The following SNX29 variants were observed in gnomAD, a reference collection of about 807,000 sequenced individuals.
SNX29 encodes the protein sorting nexin-29.
A neutral mutation model predicts 102.1 loss-of-function variants in SNX29; 78 were observed. The ratio of observed to expected loss-of-function variants is 0.76; its 90% CI spans 0.64 to 0.92. The LOEUF (loss-of-function observed/expected upper bound fraction) is 0.92. Among genes scored for constraint, SNX29 ranks in the 40% least tolerant of loss-of-function variants. The probability of loss-of-function intolerance (pLI) is 0.00; values close to 1 mark genes in which losing one functional copy is unlikely to be tolerated. For synonymous variants in SNX29, 580 were observed against 414.5 expected (o/e 1.40, Z -4.85); for missense variants, 1,280 against 1,061.7 (o/e 1.21, Z -2.86).
chr16:12,510,445 G>A (rs1293496916), intron 19 of SNX29, among the ~76,000 whole-genome samples: 4 of 152,084 alleles, frequency 2.6e-5, no homozygotes, highest in Non-Finnish European at 5.9e-5. Context: ...AGGCTGAGGC[G>A]GGTGGATCAC....
chr16:12,541,468 G>A (rs1411388858), intron 20 of SNX29, among the ~76,000 whole-genome samples: 1 of 152,158 alleles, frequency 6.6e-6, no homozygotes, highest in African/African-American at 2.4e-5. Context: ...GTGCTTGATG[G>A]AGCCAGGATC....
chr16:12,209,687 C>T (rs1473590161), intron 14 of SNX29, among the ~76,000 whole-genome samples: 2 of 152,204 alleles, frequency 1.3e-5, no homozygotes, highest in African/African-American at 2.4e-5. Flanking sequence ...ACTTAGGAGA[C>T]GTGAGACCAG....
At chr16:12,265,380 C>T (rs1401431290) in intron 14 of SNX29, among the ~76,000 whole-genome samples, 2 of 152,118 alleles carry the variant, frequency 1.3e-5, no homozygotes, top group Non-Finnish European at 2.9e-5. Flanking sequence ...TGATTTTATG[C>T]AACAGCCATT....
chr16:12,415,918 G>A (rs1030796702), intron 18 of SNX29, among the ~76,000 whole-genome samples: 2 of 152,084 alleles, frequency 1.3e-5, no homozygotes, highest in Non-Finnish European at 2.9e-5. Flanking sequence ...TCATCTTGTC[G>A]GGAAGAAATG....
chr16:12,537,933 T>C (rs1010445670), intron 20 of SNX29, among the ~76,000 whole-genome samples: 4 of 148,794 alleles, frequency 2.7e-5, no homozygotes, highest in Non-Finnish European at 4.4e-5. Flanking sequence ...TGCAGTGAGC[T>C]GAGATCGTGC....
intron 20 of SNX29, chr16:12,560,909 TTTAAAA>T (rs2141473146): frequency 5.1e-6 from 1 of 196,924 alleles, no homozygotes; most frequent in East Asian, 7.9e-5. Context: ...TTTTAATCCT[TTTAAAA>T]TAAAGTACCT....
chr16:12,461,980 T>A (rs1035656010), intron 18 of SNX29, among the ~76,000 whole-genome samples: 544 of 33,440 alleles, frequency 0.016, 3 homozygotes, highest in Non-Finnish European at 0.018. Flanking sequence ...AAAAAAAAAA[T>A]ATATATATAT....
rs894991899 is a variant in SNX29, at chr16:12,570,290, G to A, written c.*1661G>A. 4.2e-5 allele frequency: 44 copies of A among 1,055,782 alleles called. 1 individual carries two copies. Among genetic ancestry groups the A allele is most frequent in the Admixed American group, 3.2e-4 (6 of 18,682 alleles). 65.4% of individuals were successfully genotyped at this position (1,055,782 alleles called of 1,614,324 possible). ...GGTGCGGACCCTGCAGTCAGTTTGC[G>A]AGTGTGGAGGACCCGAGACATCCTG... On this transcript the variant is annotated 3_prime_UTR_variant, in exon 21 of 21. Coordinates refer to ENST00000566228, the MANE Select transcript of SNX29 (RefSeq NM_032167.5).
chr16:12,076,893 A>G (rs2051600586), intron 10 of SNX29, among the ~76,000 whole-genome samples: 1 of 152,200 alleles, frequency 6.6e-6, no homozygotes, highest in Non-Finnish European at 1.5e-5. Context: ...CATTGCTTGT[A>G]GGAAGCTTGT....
rs182193518 is a variant in SNX29 at position 12,149,838 on chromosome 16, T to C, written c.1595+20080T>C. Among the ~76,000 whole-genome samples, 4 of 152,302 alleles carry C rather than the reference T, an allele frequency of 2.6e-5. No homozygotes were observed. The East Asian group carries it at 7.7e-4, about 29-fold the overall frequency. On this transcript the variant is annotated intron_variant, in intron 13 of 20. Coordinates refer to ENST00000566228, the MANE Select transcript of SNX29 (RefSeq NM_032167.5). ...ACCAGCCTCAGTCAAGTATGGTTTCTAGGTGCTCAGGACTCAAGGATCACA... is the reference window on the plus strand; with the variant it reads ...ACCAGCCTCAGTCAAGTATGGTTTCCAGGTGCTCAGGACTCAAGGATCACA...
intron 18 of SNX29, among the ~76,000 whole-genome samples, chr16:12,449,520 G>C (rs2086210822): frequency 6.6e-6 from 1 of 152,108 alleles, no homozygotes; most frequent in Admixed American, 6.5e-5. Context: ...ACAGAAAAAG[G>C]GAATTTGTTA....
intron 15 of SNX29, among the ~76,000 whole-genome samples, chr16:12,299,666 C>G (rs1733203569): frequency 6.6e-6 from 1 of 151,992 alleles, no homozygotes; most frequent in Non-Finnish European, 1.5e-5. Context: ...GCTAGAAAAT[C>G]TTTCCCTTTC....
intron 20 of SNX29, among the ~76,000 whole-genome samples, chr16:12,543,389 A>C (rs951139603): frequency 6.6e-6 from 1 of 152,200 alleles, no homozygotes; most frequent in East Asian, 1.9e-4. Context: ...ATGATTATCC[A>C]GAAGGAGGGG....
At chr16:12,560,217 C>G (rs191596579) in intron 20 of SNX29, among the ~76,000 whole-genome samples, 13 of 147,314 alleles carry the variant, frequency 8.8e-5, no homozygotes, top group African/African-American at 2.8e-4. Context: ...AGCAACTACA[C>G]AGCCAGAGCT....
At chr16:11,994,484 A>G (rs2055980781) in intron 1 of SNX29, among the ~76,000 whole-genome samples, 1 of 152,170 alleles carries the variant, frequency 6.6e-6, no homozygotes, top group East Asian at 1.9e-4. Flanking sequence ...GAGGGTGAGC[A>G]GGGCTTAGCA....
At chr16:12,152,838 G>C (rs73519857) in intron 13 of SNX29, among the ~76,000 whole-genome samples, 31,659 of 152,118 alleles carry the variant, frequency 0.21, 3,460 homozygotes, top group Middle Eastern at 0.25. Flanking sequence ...TAAGTTAATC[G>C]TCGTGGTTGC....
At chr16:12,520,083 C>T (rs534274305) in intron 19 of SNX29, among the ~76,000 whole-genome samples, 1 of 152,154 alleles carries the variant, frequency 6.6e-6, no homozygotes, top group Non-Finnish European at 1.5e-5. Context: ...ATGAATTATT[C>T]TGGGATCTTC....
intron 18 of SNX29, among the ~76,000 whole-genome samples, chr16:12,472,544 CAAAAAA>C (rs568390260): frequency 1.7e-5 from 2 of 115,624 alleles, no homozygotes; most frequent in African/African-American, 6.8e-5. Flanking sequence ...AAAAAAAAAA[CAAAAAA>C]AAAAAGAAAA....
At chr16:11,983,806 A>G in intron 1 of SNX29, 1 of 660,218 alleles carries the variant, frequency 1.5e-6, no homozygotes. Flanking sequence ...ATGTGAGCAT[A>G]TTTCCAGATA....
Sources: allele counts gnomAD v4.1 joint callset (sites outside exome capture counted in the v4.1 genomes callset), GRCh38; gene constraint gnomAD v4.1.1; transcripts MANE v1.5; gene names NCBI Gene and HGNC (gene_info 2026-07-23, HGNC 2026-07-21).